The following CD8B2 variants were observed in gnomAD, a reference collection of about 807,000 sequenced individuals.
The protein encoded by CD8B2 is T-cell surface glycoprotein CD8 beta-2 chain.
CD8B2 carries 11 observed loss-of-function variants against 23.7 expected under a neutral mutation model. The ratio of observed to expected loss-of-function variants is 0.46; its 90% CI spans 0.29 to 0.77. The LOEUF (loss-of-function observed/expected upper bound fraction) is 0.77, where lower values mean the gene tolerates loss of function less well. Among genes scored for constraint, CD8B2 ranks in the 30% least tolerant of loss-of-function variants. The pLI is 0.09. For synonymous variants in CD8B2, 90 were observed against 109.3 expected, an observed-to-expected ratio of 0.82 and a Z score of 1.10; for missense variants, 197 against 270.5, an observed-to-expected ratio of 0.73 and a Z score of 1.91.
chr2:106,488,348 A>T (rs1323313501), intron 1 of CD8B2, among the ~76,000 whole-genome samples: 8 of 151,678 alleles, frequency 5.3e-5, no homozygotes, highest in Non-Finnish European at 1.2e-4. Flanking sequence ...CGAGGGGAAC[A>T]TGCAGTGAGG....
chr2:106,527,664 A>AACCTTGAACAG (rs1679925388), intron 5 of CD8B2, among the ~76,000 whole-genome samples: 1 of 152,164 alleles, frequency 6.6e-6, no homozygotes, highest in Admixed American at 6.5e-5. Context: ...ACCGCCTGTA[A>AACCTTGAACAG]TCTCAACTAC....
intron 1 of CD8B2, among the ~76,000 whole-genome samples, chr2:106,489,241 G>A (rs1242170899): frequency 6.6e-6 from 1 of 151,400 alleles, no homozygotes; most frequent in Non-Finnish European, 1.5e-5. Flanking sequence ...GAGCCCAAGT[G>A]ATCCTCCTGC....
chr2:106,518,143 A>C (rs1338775971), intron 5 of CD8B2, among the ~76,000 whole-genome samples: 2 of 152,186 alleles, frequency 1.3e-5, no homozygotes, highest in African/African-American at 4.8e-5. Flanking sequence ...TCTTGTATGC[A>C]GTGGGTAGGT....
At chr2:106,543,005 A>C (rs1680201475) in intron 5 of CD8B2, 1 of 152,082 alleles carries the variant, frequency 6.6e-6, no homozygotes, top group Non-Finnish European at 1.5e-5. Flanking sequence ...GGTTCGCGTT[A>C]ATGTACCCTG....
intron 2 of CD8B2, among the ~76,000 whole-genome samples, chr2:106,492,873 C>T (rs1339854836): frequency 2.6e-5 from 4 of 152,294 alleles, no homozygotes; most frequent in Non-Finnish European, 5.9e-5. Flanking sequence ...CACTGATTTT[C>T]GTATTGAAAA....
chr2:106,536,728 A>C (rs1680096923), intron 5 of CD8B2, among the ~76,000 whole-genome samples: 1 of 152,206 alleles, frequency 6.6e-6, no homozygotes, highest in African/African-American at 2.4e-5. Flanking sequence ...CGGTAAGGAA[A>C]TGAGTGAGAA....
At chr2:106,514,316 T>C (rs1302165412), downstream of CD8B2, among the ~76,000 whole-genome samples, 2 of 149,456 alleles carry the variant, frequency 1.3e-5, no homozygotes. Context: ...GAGACACAGT[T>C]TTGCTCTGTT....
intron 5 of CD8B2, among the ~76,000 whole-genome samples, chr2:106,529,199 C>T (rs6744483): frequency 0.83 from 126,097 of 152,170 alleles, 53,154 homozygotes; most frequent in East Asian, 1. Context: ...CTGTTATCTG[C>T]GATTAAGTAA....
intron 5 of CD8B2, among the ~76,000 whole-genome samples, chr2:106,533,050 A>G (rs1422037846): frequency 4.6e-5 from 7 of 152,216 alleles, no homozygotes; most frequent in Non-Finnish European, 7.3e-5. Flanking sequence ...ACTTGGAACT[A>G]GTAATTGGCC....
chr2:106,496,130 G>A, intron 2 of CD8B2, 43 bp from the exon 3 acceptor site: 2 of 1,548,506 alleles, frequency 1.3e-6, no homozygotes, highest in South Asian at 2.4e-5. Context: ...AGTCCACGTG[G>A]TGTTCACTTG....
chr2:106,541,147 C>T (rs952524179), intron 5 of CD8B2, among the ~76,000 whole-genome samples: 3 of 152,086 alleles, frequency 2.0e-5, no homozygotes, highest in Non-Finnish European at 2.9e-5. Flanking sequence ...CACGGTGGCA[C>T]GCTGGCTGTG....
At chr2:106,504,397 G>A (rs1679466441) in intron 5 of CD8B2, 72 bp downstream of exon 5, 8 of 1,551,422 alleles carry the variant, frequency 5.2e-6, no homozygotes, top group African/African-American at 1.4e-5. Context: ...TAACTGCGGC[G>A]AGGAGCCAAA....
downstream of CD8B2, among the ~76,000 whole-genome samples, chr2:106,514,703 C>G (rs2104565145): frequency 6.6e-6 from 1 of 150,670 alleles, no homozygotes; most frequent in East Asian, 2.0e-4. Context: ...CCAAACCTCC[C>G]CACCCTCTCC....
At chr2:106,544,271 G>A (rs924280698) in exon 6 of CD8B2, 12 of 387,152 alleles carry the variant, frequency 3.1e-5, no homozygotes, top group African/African-American at 1.7e-4. Flanking sequence ...GGAAGCAGTT[G>A]CAGAAATAAA....
chr2:106,507,174 A>T lies in CD8B2; in HGVS notation c.*234A>T, dbSNP rs1410872537. 1.1e-5 allele frequency: 15 copies of T among 1,373,814 alleles called. No individual in the cohort carries two copies. The highest frequency in any genetic ancestry group is 5.6e-5 in the East Asian group (2 of 35,510). The allele number at this position is 1,373,814 out of a possible 1,614,324, so 85.1% of individuals were successfully genotyped here. On this transcript the variant is annotated 3_prime_UTR_variant, in exon 6 of 6. Coordinates refer to ENST00000643224, the MANE Select transcript of CD8B2 (RefSeq NM_001349727.2). ...TTTCATTGCCCCCAGGGCACTTCAC[A>T]GAGTGTGCTGGAGGACTGAGTAAGA...
At chr2:106,540,890 A>G (rs1167415682) in intron 5 of CD8B2, among the ~76,000 whole-genome samples, 1 of 152,188 alleles carries the variant, frequency 6.6e-6, no homozygotes, top group East Asian at 1.9e-4. Context: ...TACCTTTTGC[A>G]GTAAGTATTC....
intron 5 of CD8B2, among the ~76,000 whole-genome samples, chr2:106,530,865 C>T (rs969479094): frequency 2.6e-5 from 4 of 152,174 alleles, no homozygotes; most frequent in Admixed American, 2.0e-4. Flanking sequence ...CACACTCCCA[C>T]CAGCTCCTTG....
chr2:106,522,611 A>G (rs1193160163), intron 5 of CD8B2, among the ~76,000 whole-genome samples: 5 of 152,180 alleles, frequency 3.3e-5, no homozygotes, highest in Non-Finnish European at 7.3e-5. Flanking sequence ...ACTGCTTCTC[A>G]GGGCTTTCCA....
At chr2:106,489,801 C>T (rs1479508173) in intron 1 of CD8B2, among the ~76,000 whole-genome samples, 1 of 152,118 alleles carries the variant, frequency 6.6e-6, no homozygotes, top group Non-Finnish European at 1.5e-5. Flanking sequence ...ATTTCCAACC[C>T]TCAGAGGCAG....
Sources: gnomAD v4.1 joint callset for allele counts (sites outside exome capture counted in the v4.1 genomes callset) on GRCh38, gnomAD v4.1.1 for gene constraint, MANE v1.5 for transcripts, NCBI Gene and HGNC (gene_info 2026-07-23, HGNC 2026-07-21) for gene names.